Variants in PEAK1 observed in about 807,000 individuals in gnomAD.
PEAK1 encodes inactive tyrosine-protein kinase PEAK1.
In PEAK1, 54 loss-of-function variants were observed where a neutral mutation model predicts 124.7. The ratio of observed to expected loss-of-function variants is 0.43; its 90% CI spans 0.35 to 0.54. PEAK1 has a LOEUF of 0.54. Ranked by LOEUF, PEAK1 falls within the 20% of genes least tolerant of loss-of-function variation. The pLI is 0.01. For missense variants in PEAK1, 2,046 were observed against 2,134.5 expected, an observed-to-expected ratio of 0.96 and a Z score of 0.82; for synonymous variants, 719 against 760.0, an observed-to-expected ratio of 0.95 and a Z score of 0.89.
intron 5 of PEAK1, among the ~76,000 whole-genome samples, chr15:77,279,366 T>A (rs111707192): frequency 1.3e-5 from 2 of 152,166 alleles, no homozygotes; most frequent in African/African-American, 4.8e-5. Context: ...TTTGTTTTTA[T>A]GTTCTTTTCT....
intron 9 of PEAK1, among the ~76,000 whole-genome samples, chr15:77,119,244 C>T (rs993240139): frequency 7.2e-5 from 11 of 152,230 alleles, no homozygotes; most frequent in African/African-American, 2.7e-4. Context: ...CCCGCTTGAG[C>T]TATTCTCCAA....
chr15:77,263,263 C>A (rs1379452064), intron 5 of PEAK1, among the ~76,000 whole-genome samples: 2 of 151,962 alleles, frequency 1.3e-5, no homozygotes, highest in African/African-American at 4.8e-5. Context: ...CAGAGCAGAA[C>A]TGAAGGAAAT....
chr15:77,275,203 T>G (rs771452226), intron 5 of PEAK1, among the ~76,000 whole-genome samples: 1 of 152,174 alleles, frequency 6.6e-6, no homozygotes, highest in African/African-American at 2.4e-5. Context: ...AGACTACACA[T>G]TGGGTACAGC....
chr15:77,380,409 C>T (rs1440353038), intron 1 of PEAK1, among the ~76,000 whole-genome samples: 1 of 152,164 alleles, frequency 6.6e-6, no homozygotes, highest in African/African-American at 2.4e-5. Flanking sequence ...TCTTTAAAGG[C>T]AAGATCCCTT....
intron 2 of PEAK1, chr15:77,352,843 C>T: frequency 1.0e-6 from 1 of 985,122 alleles, no homozygotes. Context: ...TTCATAACAG[C>T]TTTGTTAAAA....
intron 2 of PEAK1, chr15:77,355,926 T>G: frequency 1.0e-6 from 1 of 985,384 alleles, no homozygotes; most frequent in Non-Finnish European, 1.2e-6. Context: ...GACCCCTGTG[T>G]GTGGAATGGT....
At chr15:77,290,670 C>A (rs931856585) in intron 2 of PEAK1, among the ~76,000 whole-genome samples, 7 of 152,252 alleles carry the variant, frequency 4.6e-5, no homozygotes, top group African/African-American at 9.6e-5. Context: ...CCGCCTCAGC[C>A]TCTCTGGTAG....
intron 9 of PEAK1, among the ~76,000 whole-genome samples, chr15:77,129,741 C>T (rs1596289355): frequency 6.6e-6 from 1 of 152,160 alleles, no homozygotes; most frequent in South Asian, 2.1e-4. Flanking sequence ...CCACCACGCC[C>T]AGTCTACCAC....
intron 2 of PEAK1, among the ~76,000 whole-genome samples, chr15:77,345,064 C>T (rs971256656): frequency 2.6e-5 from 4 of 152,078 alleles, no homozygotes; most frequent in Non-Finnish European, 4.4e-5. Flanking sequence ...CTAGGACTTC[C>T]AATACGATGG....
chr15:77,297,274 T>G (rs1003061259), intron 2 of PEAK1, among the ~76,000 whole-genome samples: 7 of 151,904 alleles, frequency 4.6e-5, no homozygotes, highest in Non-Finnish European at 7.3e-5. Context: ...ATGTTTTCAC[T>G]GCCTCTGATA....
chr15:77,272,052 AG>A (rs749065506), intron 5 of PEAK1, among the ~76,000 whole-genome samples: 127 of 152,316 alleles, frequency 8.3e-4, no homozygotes, highest in Non-Finnish European at 1.5e-3. Context: ...GGAAATTAAC[AG>A]ATTATTTGAA....
chr15:77,381,476 C>G (rs1306237837), intron 1 of PEAK1: 8 of 966,428 alleles, frequency 8.3e-6, no homozygotes, highest in Non-Finnish European at 9.8e-6. Context: ...GCTCTAAGAA[C>G]AGTAAAGAAG....
intron 6 of PEAK1, among the ~76,000 whole-genome samples, chr15:77,244,159 A>G (rs2060477748): frequency 6.6e-6 from 1 of 152,240 alleles, no homozygotes. Flanking sequence ...GAGACTGTAT[A>G]GAATGGCTAG....
rs963106163 is a variant in PEAK1, at chr15:77,408,168, C to T, written c.-666+11838G>A. ...ACATATATACATACACACACACACA[C>T]ACACACACACACACACACACCCTGG... On this transcript the variant is annotated intron_variant, in intron 1 of 9. Coordinates refer to ENST00000682557, the MANE Select transcript of PEAK1 (RefSeq NM_001385026.1). 1.1e-4 allele frequency among the ~76,000 whole-genome samples: 16 copies of T among 151,214 alleles called. No homozygotes were observed. The South Asian group carries it at 1.5e-3, about 14-fold the overall frequency.
intron 2 of PEAK1, among the ~76,000 whole-genome samples, chr15:77,304,087 G>A (rs1046135801): frequency 4.6e-5 from 7 of 152,046 alleles, no homozygotes; most frequent in Admixed American, 1.3e-4. Context: ...CTTGATTATC[G>A]TGGCCTTACA....
chr15:77,114,610 C>A lies in PEAK1; in HGVS notation c.4787G>T (p.Gly1596Val). Reference sequence around the variant, plus strand: ...GTGCAGCATCTCATAGATGAGGATGCCTGTCTGGAACTCATCACACTTTTT... The same window carrying A: ...GTGCAGCATCTCATAGATGAGGATGACTGTCTGGAACTCATCACACTTTTT... ...QYKKCDEFQT[G>V]ILIYEMLHLP... Residue 1596 changes from glycine (G) to valine (V), a missense_variant, in exon 10 of 10, where the codon GGC becomes GTC. Transcript: ENST00000682557. The A allele has an allele frequency of 6.2e-7, 1 of 1,613,940 alleles. No individual in the cohort carries two copies. Among genetic ancestry groups the A allele is most frequent in the Non-Finnish European group, 8.5e-7 (1 of 1,179,984 alleles).
At chr15:77,154,795 A>T (rs1337613362) in intron 8 of PEAK1, among the ~76,000 whole-genome samples, 2 of 152,028 alleles carry the variant, frequency 1.3e-5, no homozygotes, top group East Asian at 3.9e-4. Context: ...CTTTTCTTTA[A>T]GAATGTTGAA....
chr15:77,292,820 T>C (rs934431273), intron 2 of PEAK1, among the ~76,000 whole-genome samples: 3 of 152,158 alleles, frequency 2.0e-5, no homozygotes, highest in Non-Finnish European at 2.9e-5. Context: ...TACATATATA[T>C]AGTCTTATAT....
At position 77,173,315 on chromosome 15, in the gene PEAK1, A is replaced by C. The variant is rs180973882; in HGVS notation, c.3137+5475T>G. Among the ~76,000 whole-genome samples, 18 of 152,288 alleles carry C rather than the reference A, an allele frequency of 1.2e-4. No individual in the cohort carries two copies. In the East Asian group the frequency reaches 2.7e-3, roughly 23 times the overall value. On this transcript the variant is annotated intron_variant, in intron 7 of 9. Coordinates refer to ENST00000682557, the MANE Select transcript of PEAK1 (RefSeq NM_001385026.1). Reference sequence around the variant, plus strand: ...AACCAATGGACTATTTTTAAAATTTAATTTAAAAAATTTTAAATTAACAAA... The same window carrying C: ...AACCAATGGACTATTTTTAAAATTTCATTTAAAAAATTTTAAATTAACAAA...
Sources: allele counts gnomAD v4.1 joint callset (sites outside exome capture counted in the v4.1 genomes callset), GRCh38; gene constraint gnomAD v4.1.1; transcripts MANE v1.5; gene names NCBI Gene and HGNC (gene_info 2026-07-23, HGNC 2026-07-21).